Variants in HMCN2 observed in about 807,000 individuals in gnomAD.
HMCN2 encodes hemicentin 2, also known as hemicentin-2.
HMCN2 carries 325 observed loss-of-function variants against 377.5 expected under a neutral mutation model. The ratio of observed to expected loss-of-function variants is 0.86; its 90% confidence interval spans 0.79 to 0.94. The LOEUF (loss-of-function observed/expected upper bound fraction) is 0.94. Among genes scored for constraint, HMCN2 ranks in the 40% least tolerant of loss-of-function variants. The probability of loss-of-function intolerance (pLI) is 0.00; values close to 1 mark genes in which losing one functional copy is unlikely to be tolerated. For missense variants in HMCN2, 4,543 were observed against 4,725.3 expected (o/e 0.96, Z 1.13); for synonymous variants, 2,007 against 2,046.8 (o/e 0.98, Z 0.53).
chr9:130,396,115 C>G (rs941995931), intron 72 of HMCN2, 50 bp downstream of exon 72: 1 of 1,242,056 alleles, frequency 8.1e-7, no homozygotes, highest in Non-Finnish European at 1.0e-6. Context: ...CCCACCCTGC[C>G]CACCCCCTTA....
chr9:130,354,406 C>T (rs1157106625), intron 31 of HMCN2, among the ~76,000 whole-genome samples: 1 of 152,216 alleles, frequency 6.6e-6, no homozygotes, highest in Non-Finnish European at 1.5e-5. Context: ...GAGCAGAGCT[C>T]TGTCCCGGCC....
At chr9:130,355,650 C>A in intron 32 of HMCN2, 96 bp from the exon 33 acceptor site, 1 of 632,882 alleles carries the variant, frequency 1.6e-6, no homozygotes, top group Non-Finnish European at 2.6e-6. Context: ...GGGTGAGGTG[C>A]AGCTGGGCCT....
At chr9:130,321,629 A>G (rs1837857261) in intron 18 of HMCN2, among the ~76,000 whole-genome samples, 158 bp from the exon 19 acceptor site, 2 of 152,134 alleles carry the variant, frequency 1.3e-5, no homozygotes, top group Non-Finnish European at 2.9e-5. Context: ...GCACTCGGGA[A>G]GGACTCACAG....
At chr9:130,310,439 C>A in intron 15 of HMCN2, among the ~76,000 whole-genome samples, 3 of 152,170 alleles carry the variant, frequency 2.0e-5, no homozygotes, top group Non-Finnish European at 4.4e-5. Context: ...TCTAGGCTCA[C>A]TCGTGGGGCT....
intron 4 of HMCN2, among the ~76,000 whole-genome samples, chr9:130,294,247 G>T (rs1176455195): frequency 6.6e-6 from 1 of 152,200 alleles, no homozygotes; most frequent in Non-Finnish European, 1.5e-5. Context: ...CCTTTTATCT[G>T]ATTCTCAGTG....
chr9:130,384,685 G>A lies in HMCN2; in HGVS notation c.8993G>A (p.Gly2998Asp), dbSNP rs751348897. 95 of 1,302,110 alleles carry A rather than the reference G, an allele frequency of 7.3e-5. No individual in the cohort carries two copies. The highest frequency in any genetic ancestry group is 9.0e-5 in the Non-Finnish European group (89 of 988,786). The allele number at this position is 1,302,110 out of a possible 1,614,324, so 80.7% of individuals were successfully genotyped here. ...GTGAGGGGCTGGCTTCCCCCGGCAGGCACCCACACGCTGCAGCTGGGGAGA... is the reference window on the plus strand; with the variant it reads ...GTGAGGGGCTGGCTTCCCCCGGCAGACACCCACACGCTGCAGCTGGGGAGA... ...SLGEEVFLLP[G>D]THTLQLGRAR... Residue 2998 changes from glycine to aspartate, a missense_variant and splice_region_variant, in exon 59 of 98, where the codon GGC (glycine) becomes GAC (aspartate). By Grantham distance (94) the Gly-to-Asp change is moderately conservative. This residue lies in a region of HMCN2 where 736 missense variants were observed against 773.2 expected (regional missense o/e 0.95). Coordinates refer to ENST00000683500, the MANE Select transcript of HMCN2 (RefSeq NM_001291815.2).
In HMCN2 at chr9:130,265,775, C is replaced by G. The variant is rs1182429716; in HGVS notation, c.-104C>G. 8.7e-6 allele frequency: 2 copies of G among 230,620 alleles called. No individual in the cohort carries two copies. Among genetic ancestry groups the G allele is most frequent in the Admixed American group, 6.3e-5 (1 of 15,822 alleles). The allele number at this position is 230,620 out of a possible 1,614,324, so 14.3% of individuals were successfully genotyped here. On this transcript the variant is annotated 5_prime_UTR_variant, in exon 1 of 98. Transcript: ENST00000683500. ...TATCCCTCGCGCACTGGCCGCGGCC[C>G]GACGGAGCAAGGCACTGCCTGCAGC...
Position 130,348,087 on chromosome 9 carries a change from C to G in HMCN2, c.4025-458C>G. ...CTCTGTCGGCAGGATGAACTGGCCCCGCTTGGGCAGTTCTACCAGCTCCTA... is the reference window on the plus strand; with the variant it reads ...CTCTGTCGGCAGGATGAACTGGCCCGGCTTGGGCAGTTCTACCAGCTCCTA... On this transcript the variant is annotated intron_variant, in intron 26 of 97. Coordinates refer to ENST00000683500, the MANE Select transcript of HMCN2 (RefSeq NM_001291815.2). 4 of 974,270 alleles carry G rather than the reference C, an allele frequency of 4.1e-6. No homozygotes were observed. The South Asian group carries it at 1.4e-4, about 35-fold the overall frequency. The allele number at this position is 974,270 out of a possible 1,614,324, so 60.4% of individuals were successfully genotyped here. A position where few individuals can be genotyped will look rare whatever the true frequency, so the allele number is the denominator to read the frequency against.
chr9:130,433,207 C>A, intron 97 of HMCN2, 141 bp from the exon 98 acceptor site: 1 of 601,868 alleles, frequency 1.7e-6, no homozygotes, highest in Non-Finnish European at 2.7e-6. Flanking sequence ...GCAGAGAAGG[C>A]GTGTGGGGCT....
chr9:130,287,248 G>C (rs181272655), intron 4 of HMCN2, among the ~76,000 whole-genome samples: 122 of 152,062 alleles, frequency 8.0e-4, no homozygotes, highest in Non-Finnish European at 1.5e-3. Flanking sequence ...CTGCCTTTCT[G>C]GTCCCCCTGG....
chr9:130,299,192 C>G lies in HMCN2; in HGVS notation c.1180C>G (p.Pro394Ala), dbSNP rs974688428. Reference sequence around the variant, plus strand: ...GTGGGGCGGGCCGCCCTTCCACACCCCCAAGGAGCGCTTCTACCTCAAGGT... The same window carrying G: ...GTGGGGCGGGCCGCCCTTCCACACCGCCAAGGAGCGCTTCTACCTCAAGGT... ...QLWGGPPFHT[P>A]KERFYLKVKG... Residue 394 changes from proline to alanine, a missense_variant, in exon 8 of 98, where the codon CCC becomes GCC. Physicochemically the swap from Pro to Ala is conservative, Grantham distance 27. Around this residue, in one of 5 missense-constraint regions of HMCN2, gnomAD observed 547 missense variants for 189.9 expected, o/e 2.88. Coordinates refer to ENST00000683500, the MANE Select transcript of HMCN2 (RefSeq NM_001291815.2). 2.1e-6 allele frequency: 1 copy of G among 471,210 alleles called. No homozygotes were observed. Among genetic ancestry groups the G allele is most frequent in the Non-Finnish European group, 4.4e-6 (1 of 227,062 alleles). The allele number at this position is 471,210 out of a possible 1,614,324, so 29.2% of individuals were successfully genotyped here.
chr9:130,373,662 T>G (rs972192160), intron 48 of HMCN2, among the ~76,000 whole-genome samples: 1 of 149,278 alleles, frequency 6.7e-6, no homozygotes, highest in African/African-American at 2.5e-5. Context: ...GATAGGTAGG[T>G]GGGTGGATGG....
rs1834665197 is a variant in HMCN2 at position 130,275,877 on chromosome 9, T to TGGAGGC, written c.260-8726_260-8725insGGAGGC. Among the ~76,000 whole-genome samples, 4 of 72,984 alleles carry TGGAGGC rather than the reference T, an allele frequency of 5.5e-5. No individual in the cohort carries two copies. In the Admixed American group the frequency reaches 5.5e-4, roughly 10 times the overall value. 47.9% of individuals were successfully genotyped at this position (72,984 alleles called of 152,430 possible). ...CCTTGGAGGCCTGGAGGCCTGGAGGTCTGAGCGGCCCGTGAGGTGTGAGCT... is the reference window on the plus strand; with the variant it reads ...CCTTGGAGGCCTGGAGGCCTGGAGGTGGAGGCCTGAGCGGCCCGTGAGGTGTGAGCT... On this transcript the variant is annotated intron_variant, in intron 1 of 97. Coordinates refer to ENST00000683500, the MANE Select transcript of HMCN2 (RefSeq NM_001291815.2).
chr9:130,300,421 A>G (rs1554933960), intron 8 of HMCN2, among the ~76,000 whole-genome samples: 1 of 152,228 alleles, frequency 6.6e-6, no homozygotes, highest in Non-Finnish European at 1.5e-5. Context: ...CATAATCACA[A>G]TCATCCGAGT....
intron 28 of HMCN2, 131 bp from the exon 29 acceptor site, chr9:130,349,406 G>C: frequency 9.2e-7 from 1 of 1,089,050 alleles, no homozygotes; most frequent in Non-Finnish European, 1.2e-6. Flanking sequence ...CCAGGGTTTT[G>C]GGGGGCTTCC....
Position 130,266,190 on chromosome 9 carries a change from C to A in HMCN2, c.259+53C>A, listed in dbSNP as rs1007704088. 4.4e-5 allele frequency: 18 copies of A among 408,212 alleles called. 1 individual carries two copies. The highest frequency in any genetic ancestry group is 8.1e-5 in the Non-Finnish European group (17 of 210,508). 25.3% of individuals were successfully genotyped at this position (408,212 alleles called of 1,614,324 possible). A position where few individuals can be genotyped will look rare whatever the true frequency, so the allele number is the denominator to read the frequency against. On this transcript the variant is annotated intron_variant, in intron 1 of 97. Transcript: ENST00000683500. ...GGCGCCCCCTTCGAGGTGCTCTCAC[C>A]TGCCTGACCCCCTCAGTTGGCCCCG...
At position 130,344,087 on chromosome 9, in the gene HMCN2, C is replaced by T. The variant is rs1169882439; in HGVS notation, c.3829+1651C>T. On this transcript the variant is annotated intron_variant, in intron 25 of 97. Coordinates refer to ENST00000683500, the MANE Select transcript of HMCN2 (RefSeq NM_001291815.2). ...TCCTCCTTGTCACAGAGCTTCAGGGCCGTCCTGCACTAGAGCACTTTAGGC... is the reference window on the plus strand; with the variant it reads ...TCCTCCTTGTCACAGAGCTTCAGGGTCGTCCTGCACTAGAGCACTTTAGGC... 2.6e-5 allele frequency among the ~76,000 whole-genome samples: 4 copies of T among 152,130 alleles called. No individual in the cohort carries two copies. The East Asian group carries it at 7.7e-4, about 29-fold the overall frequency.
At position 130,414,137 on chromosome 9, in the gene HMCN2, G is replaced by A. The variant is rs1843568282; in HGVS notation, c.12961+3485G>A. On this transcript the variant is annotated intron_variant, in intron 85 of 97. Transcript: ENST00000683500. This position sits in a 1 kb window ranked among gnomAD's most constrained non-coding sequence, Gnocchi z 4.4. ...ACTTCCACCCTCGCCCCTGTACCGA[G>A]GCACTGCTCTCCCCACACTGGAGCA... Among the ~76,000 whole-genome samples the A allele has an allele frequency of 6.6e-6, 1 of 152,156 alleles. No homozygotes were observed. The highest frequency in any genetic ancestry group is 6.5e-5 in the Admixed American group (1 of 15,272).
Position 130,425,865 on chromosome 9 carries a change from C to T in HMCN2, c.13820C>T (p.Ser4607Leu), listed in dbSNP as rs1315283512. 1.3e-6 allele frequency: 2 copies of T among 1,550,280 alleles called. No individual in the cohort carries two copies. The highest frequency in any genetic ancestry group is 1.4e-5 in the African/African-American group (1 of 73,052). Residue 4607 changes from serine (S) to leucine (L), a missense_variant, in exon 90 of 98, where the codon TCG (serine) becomes TTG (leucine). Around this residue, in one of 5 missense-constraint regions of HMCN2, gnomAD observed 1,155 missense variants for 1,157.7 expected, o/e 1.00. Transcript: ENST00000683500. ...VQHLRASAIS[S>L]AFDPEAEALR... Reference sequence around the variant, plus strand: ...CACCTGCGGGCCTCAGCTATCAGCTCGGCCTTTGATCCAGAGGCCGAGGCC... The same window carrying T: ...CACCTGCGGGCCTCAGCTATCAGCTTGGCCTTTGATCCAGAGGCCGAGGCC...
Sources: gnomAD v4.1 joint callset for allele counts (sites outside exome capture counted in the v4.1 genomes callset) on GRCh38, gnomAD v4.1.1 for gene constraint, gnomAD v4.1.1 regional missense constraint, Gnocchi (gnomAD v3.1) non-coding constraint, MANE v1.5 for transcripts, NCBI Gene and HGNC (gene_info 2026-07-23, HGNC 2026-07-21) for gene names.